The following NPHP4 variants were observed in gnomAD, a reference collection of about 807,000 sequenced individuals.
The protein encoded by NPHP4 is nephrocystin-4.
In NPHP4, 151 loss-of-function variants were observed where a neutral mutation model predicts 155.8. The ratio of observed to expected loss-of-function variants is 0.97; its 90% CI spans 0.85 to 1.11. The LOEUF (loss-of-function observed/expected upper bound fraction) is 1.11, where lower values mean the gene tolerates loss of function less well. Among genes scored for constraint, NPHP4 ranks in the 50% least tolerant of loss-of-function variants. The probability of loss-of-function intolerance (pLI) is 0.00; values close to 1 mark genes in which losing one functional copy is unlikely to be tolerated. For missense variants in NPHP4, 1,956 were observed against 1,925.7 expected (o/e 1.02, Z -0.29); for synonymous variants, 845 against 816.8 (o/e 1.03, Z -0.59).
In NPHP4 at chr1:5,886,198, A is replaced by G. The variant is rs187069909; in HGVS notation, c.2485+1088T>C. ...AGCCTTTGAATAATGCCTGCTCCTC[A>G]CATGTGGCTCATTTATTTCTCCAGA... On this transcript the variant is annotated intron_variant, in intron 18 of 29. Coordinates refer to ENST00000378156, the MANE Select transcript of NPHP4 (RefSeq NM_015102.5). 4.2e-4 allele frequency among the ~76,000 whole-genome samples: 64 copies of G among 152,314 alleles called. No individual in the cohort carries two copies. In the South Asian group the frequency reaches 5.6e-3, roughly 13 times the overall value.
At chr1:5,958,255 C>T (rs1433484754) in intron 6 of NPHP4, among the ~76,000 whole-genome samples, 2 of 152,242 alleles carry the variant, frequency 1.3e-5, no homozygotes, top group African/African-American at 4.8e-5. Context: ...CGTCAGAAAG[C>T]AGCCTCAAGG....
At position 5,863,916 on chromosome 1, in the gene NPHP4, G is replaced by A. The variant is rs374146357; in HGVS notation, c.4114C>T (p.Leu1372=). 342 of 1,613,966 alleles carry A rather than the reference G, an allele frequency of 2.1e-4. No homozygotes were observed. The highest frequency in any genetic ancestry group is 1.6e-3 in the African/African-American group (118 of 75,046). ...TGGAAGGAGTCCTCTCTGAACCGCA[G>A]CAGCTCCGGGTGGTCGCTGTGCAGG... ...FHLHSDHPEL[L]RFREDSFQVG... Residue 1372 remains leucine (L), a synonymous_variant, in exon 29 of 30, where the codon CTG becomes TTG. Transcript: ENST00000378156.
intron 23 of NPHP4, among the ~76,000 whole-genome samples, chr1:5,870,500 G>T (rs1641885155): frequency 2.0e-5 from 3 of 152,136 alleles, no homozygotes; most frequent in Admixed American, 6.5e-5. Context: ...ACCAACTCGG[G>T]CCAGGTCATC....
chr1:5,977,625 C>T (rs930369903), intron 3 of NPHP4, among the ~76,000 whole-genome samples: 2 of 151,522 alleles, frequency 1.3e-5, no homozygotes, highest in East Asian at 4.1e-4. Context: ...AGAGCAGGTG[C>T]TGAATGGAAT....
At chr1:5,926,825 C>G (rs930874472) in intron 11 of NPHP4, among the ~76,000 whole-genome samples, 1 of 152,218 alleles carries the variant, frequency 6.6e-6, no homozygotes, top group South Asian at 2.1e-4. Context: ...AAAGCTCCCT[C>G]CCGGGCTTGC....
At chr1:5,913,364 A>G (rs1165389038) in intron 11 of NPHP4, among the ~76,000 whole-genome samples, 1 of 152,198 alleles carries the variant, frequency 6.6e-6, no homozygotes. Context: ...TGCTAGAGAC[A>G]AAGAAAAACT....
At chr1:5,908,639 A>T (rs1460893781) in intron 12 of NPHP4, among the ~76,000 whole-genome samples, 1 of 152,164 alleles carries the variant, frequency 6.6e-6, no homozygotes, top group African/African-American at 2.4e-5. Context: ...CCACTCAGGA[A>T]GTTCCAGCGC....
At chr1:5,941,898 G>T (rs1646835686) in intron 9 of NPHP4, among the ~76,000 whole-genome samples, 1 of 152,228 alleles carries the variant, frequency 6.6e-6, no homozygotes, top group Non-Finnish European at 1.5e-5. Flanking sequence ...CTGCAGGTCT[G>T]TGGGAAAGCT....
intron 23 of NPHP4, 74 bp downstream of exon 23, chr1:5,873,178 G>T (rs949129234): frequency 3.0e-6 from 4 of 1,319,986 alleles, no homozygotes; most frequent in Non-Finnish European, 4.4e-6. Context: ...GGAGGGGAGA[G>T]AAGGACACAA....
intron 4 of NPHP4, among the ~76,000 whole-genome samples, chr1:5,968,373 G>A (rs1278092657): frequency 2.0e-5 from 3 of 152,082 alleles, no homozygotes; most frequent in Admixed American, 6.5e-5. Context: ...TGGCTGAGGC[G>A]AGCAGATCTC....
In NPHP4 at chr1:5,947,116, T is replaced by C; in HGVS notation, c.1107A>G (p.Gly369=). 6.2e-7 allele frequency: 1 copy of C among 1,613,988 alleles called. No individual in the cohort carries two copies. The highest frequency in any genetic ancestry group is 1.6e-4 in the Middle Eastern group (1 of 6,062). ...GGGCTGTTCTTACATTGCCGTCCAC[T>C]CCTGCAGGGCTGCTGAACACGTACT... ...QLEYVFSSPA[G]VDGNAASVTS... is the part of the protein sequence containing the mutation. Residue 369 remains glycine (G), a synonymous_variant, in exon 9 of 30, where the codon GGA becomes GGG. Transcript: ENST00000378156.
chr1:5,865,388 C>T, intron 26 of NPHP4, 115 bp from the exon 27 acceptor site: 1 of 965,490 alleles, frequency 1.0e-6, no homozygotes. Context: ...CAGGGAAAGC[C>T]CCAGAGGACC....
intron 16 of NPHP4, among the ~76,000 whole-genome samples, chr1:5,902,095 C>A (rs1274790868): frequency 1.3e-5 from 2 of 152,354 alleles, no homozygotes; most frequent in East Asian, 3.9e-4. Context: ...CTTCCTGTGG[C>A]CTCTCTCTGC....
chr1:5,873,163 C>T (rs1223195908), intron 23 of NPHP4, 89 bp downstream of exon 23: 1 of 1,208,194 alleles, frequency 8.3e-7, no homozygotes, highest in South Asian at 1.2e-5. Flanking sequence ...CAGCCCTCCC[C>T]TCCAGGAGGG....
intron 11 of NPHP4, among the ~76,000 whole-genome samples, chr1:5,927,110 A>C (rs1183430665): frequency 1.3e-5 from 2 of 152,222 alleles, no homozygotes; most frequent in African/African-American, 4.8e-5. Context: ...GACGGCCAAT[A>C]AGAACTCTTT....
intron 9 of NPHP4, among the ~76,000 whole-genome samples, chr1:5,939,340 G>A (rs940974747): frequency 2.0e-5 from 3 of 152,216 alleles, no homozygotes; most frequent in African/African-American, 7.2e-5. Context: ...ACTTGACAAT[G>A]ACTAAAAGAA....
Position 5,887,382 on chromosome 1 carries a change from C to G in NPHP4, c.2389G>C (p.Val797Leu). The G allele has an allele frequency of 1.9e-6, 3 of 1,613,586 alleles. No homozygotes were observed. Among genetic ancestry groups the G allele is most frequent in the Middle Eastern group, 3.3e-4 (2 of 6,062 alleles). The change falls in exon 18 of 30, where the codon GTG becomes CTG. Residue 797 changes from valine (V) to leucine (L), a missense_variant. Physicochemically the swap from Val to Leu is conservative, Grantham distance 32. Coordinates refer to ENST00000378156, the MANE Select transcript of NPHP4 (RefSeq NM_015102.5). ...AACCCCAGCATGTCTCCACTCACCA[C>G]CATGTTGTCCTGCTCGTATTCAGTT... The part of the protein sequence containing the change: ...VATEYEQDNM[V>L]VSGDMLGFGR...
intron 26 of NPHP4, chr1:5,865,792 T>G (rs1357873387): frequency 1.2e-5 from 2 of 163,836 alleles, no homozygotes; most frequent in East Asian, 1.7e-4. Context: ...AGGAAGCCAC[T>G]CTGAGACGTG....
chr1:5,914,062 G>GA (rs1172324350), intron 11 of NPHP4, among the ~76,000 whole-genome samples: 2 of 151,950 alleles, frequency 1.3e-5, no homozygotes, highest in African/African-American at 4.8e-5. Context: ...GCTGGGGCAG[G>GA]AGGCGGCCTC....
Sources: allele counts gnomAD v4.1 joint callset (sites outside exome capture counted in the v4.1 genomes callset), GRCh38; gene constraint gnomAD v4.1.1; transcripts MANE v1.5; gene names NCBI Gene and HGNC (gene_info 2026-07-23, HGNC 2026-07-21).